GFM2: variants seen among roughly 807,000 people sequenced by gnomAD.
The protein encoded by GFM2 is GTP dependent ribosome recycling factor mitochondrial 2.
A neutral mutation model predicts 95.4 loss-of-function variants in GFM2; 72 were observed. That is an observed-to-expected ratio of 0.76 (90% CI 0.62 to 0.92). The LOEUF (loss-of-function observed/expected upper bound fraction) is 0.92, where lower values mean the gene tolerates loss of function less well. Ranked by LOEUF, GFM2 falls within the 40% of genes least tolerant of loss-of-function variation. The pLI is 0.00. For missense variants in GFM2, 825 were observed against 924.1 expected, an observed-to-expected ratio of 0.89 and a Z score of 1.39; for synonymous variants, 276 against 317.5, an observed-to-expected ratio of 0.87 and a Z score of 1.39.
At chr5:74,747,323 C>G (rs903100182) in intron 8 of GFM2, among the ~76,000 whole-genome samples, 1 of 152,142 alleles carries the variant, frequency 6.6e-6, no homozygotes, top group Non-Finnish European at 1.5e-5. Flanking sequence ...GGAAACAGTT[C>G]TCTATTCTCT....
In GFM2 at chr5:74,738,526, A is replaced by G. The variant is rs143233751; in HGVS notation, c.1196T>C (p.Ile399Thr). The stretch of plus-strand genomic sequence containing the variant: ...CGTGCAGTTTCCATTAATATTATGA[A>G]TGGCCAACTGGGGTTTTATAGTGCC... ...YSGTIKPQLA[I>T]HNINGNCTER... The change falls in exon 13 of 21, where the codon ATT (isoleucine) becomes ACT (threonine). Residue 399 changes from isoleucine to threonine, a missense_variant. By Grantham distance (89) the Ile-to-Thr change is moderately conservative. Transcript: ENST00000296805. 231 of 1,613,390 alleles carry G rather than the reference A, an allele frequency of 1.4e-4. 1 individual carries two copies. In the East Asian group the frequency reaches 4.9e-3, roughly 34 times the overall value.
At chr5:74,723,670 T>C (rs944702923) in intron 19 of GFM2, among the ~76,000 whole-genome samples, 15 of 152,316 alleles carry the variant, frequency 9.8e-5, no homozygotes, top group Middle Eastern at 3.4e-3. Context: ...TAAAGTTTTC[T>C]CTACAGTCTG....
chr5:74,730,208 A>T, intron 17 of GFM2, 52 bp downstream of exon 17: 2 of 1,527,552 alleles, frequency 1.3e-6, no homozygotes, highest in South Asian at 1.3e-5. Context: ...CTAAATAGAG[A>T]AAGAAAGACA....
In GFM2 at chr5:74,750,633, G is replaced by A. The variant is rs776671031; in HGVS notation, c.465C>T (p.Cys155=). 1.2e-6 allele frequency: 2 copies of A among 1,613,328 alleles called. No homozygotes were observed. The highest frequency in any genetic ancestry group is 1.7e-6 in the Non-Finnish European group (2 of 1,179,544). The change falls in exon 7 of 21, where the codon TGC becomes TGT. Residue 155 remains cysteine (C), a synonymous_variant. Transcript: ENST00000296805. ...HVDFTLEVER[C]LRVLDGAVAV... Reference sequence around the variant, plus strand: ...CCACTGCACCATCCAACACTCTTAGGCACCGCTCAACCTCCAAGGTAAAGT... The same window carrying A: ...CCACTGCACCATCCAACACTCTTAGACACCGCTCAACCTCCAAGGTAAAGT...
chr5:74,721,264 GAATAA>G lies in GFM2; in HGVS notation c.*386_*390del. The G allele has an allele frequency of 4.7e-6, 5 of 1,064,990 alleles. No homozygotes were observed. The highest frequency in any genetic ancestry group is 7.3e-6 in the Non-Finnish European group (5 of 689,364). The allele number at this position is 1,064,990 out of a possible 1,614,324, so 66.0% of individuals were successfully genotyped here. On this transcript the variant is annotated 3_prime_UTR_variant, in exon 21 of 21. Transcript: ENST00000296805. ...AAAATAAGATATTAGACTGTTTTTT[GAATAA>G]AATATTTTTATTGATTGAACCTTTG...
chr5:74,750,890 T>C (rs1361824251), intron 6 of GFM2, among the ~76,000 whole-genome samples: 1 of 151,944 alleles, frequency 6.6e-6, no homozygotes, highest in Non-Finnish European at 1.5e-5. Context: ...TATGAATGGA[T>C]AAACAAAATG....
At chr5:74,747,480 C>T (rs751257548) in intron 8 of GFM2, among the ~76,000 whole-genome samples, 4 of 152,276 alleles carry the variant, frequency 2.6e-5, no homozygotes, top group Non-Finnish European at 5.9e-5. Flanking sequence ...GGATGATTCA[C>T]CATCTATCAG....
intron 5 of GFM2, 33 bp downstream of exon 5, chr5:74,758,815 TG>T: frequency 2.8e-5 from 37 of 1,302,652 alleles, no homozygotes; most frequent in Admixed American, 3.5e-5. Context: ...CTTTTGCTAA[TG>T]GGGGGGTGGG....
chr5:74,753,726 G>C (rs1191893595), intron 5 of GFM2, among the ~76,000 whole-genome samples: 1 of 152,188 alleles, frequency 6.6e-6, no homozygotes, highest in Admixed American at 6.5e-5. Flanking sequence ...TATGTGAAAT[G>C]AGCAAACCTA....
At chr5:74,732,417 T>G (rs552116340) in intron 16 of GFM2, among the ~76,000 whole-genome samples, 9 of 152,264 alleles carry the variant, frequency 5.9e-5, no homozygotes, top group African/African-American at 2.2e-4. Flanking sequence ...AAAGATAAAT[T>G]TATAACCTTT....
intron 5 of GFM2, among the ~76,000 whole-genome samples, chr5:74,754,198 G>A (rs1362530318): frequency 6.7e-6 from 1 of 149,990 alleles, no homozygotes; most frequent in African/African-American, 2.5e-5. Flanking sequence ...AGCACTACAA[G>A]AACTACTAAA....
chr5:74,725,364 G>A (rs958740354), intron 19 of GFM2, among the ~76,000 whole-genome samples: 1 of 152,126 alleles, frequency 6.6e-6, no homozygotes, highest in African/African-American at 2.4e-5. Flanking sequence ...TCAGGGATGG[G>A]GAAAGCAGAA....
At position 74,752,849 on chromosome 5, in the gene GFM2, G is replaced by A. The variant is rs571663233; in HGVS notation, c.305-1356C>T. 1.5e-4 allele frequency among the ~76,000 whole-genome samples: 23 copies of A among 152,234 alleles called. No homozygotes were observed. In the South Asian group the frequency reaches 4.6e-3, roughly 30 times the overall value. On this transcript the variant is annotated intron_variant, in intron 5 of 20. Coordinates refer to ENST00000296805, the MANE Select transcript of GFM2 (RefSeq NM_032380.5). ...TGCACTCAGAAAGCCCCATCCTTAG[G>A]GGAAGGAGGAGAGCCCCACATCAAG...
chr5:74,721,762 TTCG>T lies in GFM2; in HGVS notation c.2230_2232del (p.Arg744del). 6.2e-7 allele frequency: 1 copy of T among 1,613,112 alleles called. No homozygotes were observed. Among genetic ancestry groups the T allele is most frequent in the Non-Finnish European group, 8.5e-7 (1 of 1,179,594 alleles). ...AAAGTAGCTGAGCCTGATGTTAGCG[TTCG>T]AAGCACAGTTGAATAACCCTAATCA... On this transcript the variant is annotated inframe_deletion, in exon 21 of 21. Transcript: ENST00000296805.
At chr5:74,740,580 G>A (rs745491991) in intron 11 of GFM2, among the ~76,000 whole-genome samples, 14 of 151,994 alleles carry the variant, frequency 9.2e-5, no homozygotes, top group South Asian at 2.1e-4. Flanking sequence ...ATCCAAGTAG[G>A]AAAATTTTTA....
intron 7 of GFM2, among the ~76,000 whole-genome samples, chr5:74,748,843 C>A (rs147905476): frequency 0.065 from 8,842 of 136,892 alleles, 374 homozygotes; most frequent in Non-Finnish European, 0.094. Context: ...CCAGCCTGGG[C>A]GACAGAGTGA....
intron 6 of GFM2, among the ~76,000 whole-genome samples, chr5:74,750,972 A>T (rs1490919883): frequency 6.6e-6 from 1 of 152,218 alleles, no homozygotes; most frequent in African/African-American, 2.4e-5. Flanking sequence ...CACATGCTAC[A>T]ATATGAGAAA....
At chr5:74,765,227 C>T (rs1744501511) in intron 1 of GFM2, 2 of 569,464 alleles carry the variant, frequency 3.5e-6, no homozygotes, top group South Asian at 1.1e-4. Context: ...CCAGCCCTCC[C>T]CCGCCCAAGC....
At chr5:74,744,211 C>T (rs570196725) in intron 10 of GFM2, among the ~76,000 whole-genome samples, 1 of 152,190 alleles carries the variant, frequency 6.6e-6, no homozygotes, top group Non-Finnish European at 1.5e-5. Flanking sequence ...GTACTGAATA[C>T]TGTAGGCAAC....
Sources: allele counts gnomAD v4.1 joint callset (sites outside exome capture counted in the v4.1 genomes callset), GRCh38; gene constraint gnomAD v4.1.1; transcripts MANE v1.5; gene names NCBI Gene and HGNC (gene_info 2026-07-23, HGNC 2026-07-21).